CDK5RAP2: variants seen among roughly 807,000 people sequenced by gnomAD.
CDK5RAP2 encodes CDK5 regulatory subunit-associated protein 2.
CDK5RAP2 carries 147 observed loss-of-function variants against 232.9 expected under a neutral mutation model. The ratio of observed to expected loss-of-function variants is 0.63; its 90% CI spans 0.55 to 0.72. The LOEUF is 0.72. Ranked by LOEUF, CDK5RAP2 falls within the 30% of genes least tolerant of loss-of-function variation. The probability of loss-of-function intolerance (pLI) is 0.00; values close to 1 mark genes in which losing one functional copy is unlikely to be tolerated. For missense variants in CDK5RAP2, 2,195 were observed against 2,231.5 expected (o/e 0.98, Z 0.33); for synonymous variants, 833 against 833.7 (o/e 1.00, Z 0.01).
chr9:120,427,756 G>T (rs979314714), intron 25 of CDK5RAP2, among the ~76,000 whole-genome samples: 1 of 152,130 alleles, frequency 6.6e-6, no homozygotes, highest in African/African-American at 2.4e-5. Flanking sequence ...TGGAAGAGGG[G>T]AAATGCAAGG....
intron 3 of CDK5RAP2, among the ~76,000 whole-genome samples, chr9:120,565,392 TCTC>T (rs1226529350): frequency 1.3e-5 from 2 of 152,024 alleles, no homozygotes; most frequent in African/African-American, 2.4e-5. Flanking sequence ...TCCAAACTCT[TCTC>T]CTCATAGTCA....
intron 14 of CDK5RAP2, among the ~76,000 whole-genome samples, chr9:120,482,811 T>C (rs1175796177): frequency 6.6e-6 from 1 of 152,214 alleles, no homozygotes; most frequent in Non-Finnish European, 1.5e-5. Flanking sequence ...TTTTGCATAA[T>C]GGAAGTCAGA....
Position 120,568,284 on chromosome 9 carries a change from A to C in CDK5RAP2, c.195+37T>G, listed in dbSNP as rs143496224. 541 of 1,521,028 alleles carry C rather than the reference A, an allele frequency of 3.6e-4. 2 individuals carry two copies. The African/African-American group carries it at 6.8e-3, about 19-fold the overall frequency. The allele number at this position is 1,521,028 out of a possible 1,614,324, so 94.2% of individuals were successfully genotyped here. On this transcript the variant is annotated intron_variant, in intron 3 of 37. Coordinates refer to ENST00000349780, the MANE Select transcript of CDK5RAP2 (RefSeq NM_018249.6). ...CTGGCTGGACAGTGGCAGCAGACACAATTTGTTGGGGGCAGTAATTTGGTA... is the reference window on the plus strand; with the variant it reads ...CTGGCTGGACAGTGGCAGCAGACACCATTTGTTGGGGGCAGTAATTTGGTA...
In CDK5RAP2 at chr9:120,577,668, G is replaced by A. The variant is rs144621853; in HGVS notation, c.59+2252C>T. ...GTAGTTACTCTGGGTCAGACACTGA[G>A]CTAAACTTTTTAAGATTCATTTTAA... On this transcript the variant is annotated intron_variant, in intron 1 of 37. Coordinates refer to ENST00000349780, the MANE Select transcript of CDK5RAP2 (RefSeq NM_018249.6). 3.7e-4 allele frequency among the ~76,000 whole-genome samples: 56 copies of A among 152,306 alleles called. No individual in the cohort carries two copies. In the East Asian group the frequency reaches 0.011, roughly 29 times the overall value.
In CDK5RAP2 at chr9:120,536,415, C is replaced by A; in HGVS notation, c.619G>T (p.Glu207Ter). The part of the protein sequence containing the change: ...SKLSEMKKMH[E>*]GDLAMALVLD... Reference sequence around the variant, plus strand: ...ACCAGAGCCATCGCCAAGTCCCCCTCGTGCATCTTCTTCATCTCTGAAAGC... The same window carrying A: ...ACCAGAGCCATCGCCAAGTCCCCCTAGTGCATCTTCTTCATCTCTGAAAGC... Residue 207 changes from glutamate to a stop codon, truncating the protein, a stop_gained, in exon 7 of 38, where the codon GAG (glutamate) becomes TAG (stop). Transcript: ENST00000349780. LOFTEE classifies it high-confidence loss of function. 1.2e-6 allele frequency: 2 copies of A among 1,614,200 alleles called. No homozygotes were observed. Among genetic ancestry groups the A allele is most frequent in the Non-Finnish European group, 1.7e-6 (2 of 1,180,018 alleles).
chr9:120,548,159 T>C (rs1050299688), intron 4 of CDK5RAP2, among the ~76,000 whole-genome samples: 7 of 152,216 alleles, frequency 4.6e-5, no homozygotes, highest in Non-Finnish European at 7.3e-5. Flanking sequence ...GAACTTTTTC[T>C]TGAAGAAAGT....
In CDK5RAP2 at chr9:120,458,561, T is replaced by G. The variant is rs761922810; in HGVS notation, c.2264A>C (p.Lys755Thr). The stretch of plus-strand genomic sequence containing the variant: ...GTGGGCCCCATCACAATCTGAAATC[T>G]TAGACTCCGTGTGCCTTAAGTATCC... Reference protein sequence around the residue: ...KNGYLRHTESKISDCDGAHAP... With the variant: ...KNGYLRHTESTISDCDGAHAP... The change falls in exon 20 of 38, where the codon AAG (lysine) becomes ACG (threonine). Residue 755 changes from lysine (K) to threonine (T), a missense_variant. Transcript: ENST00000349780. 2 of 1,614,154 alleles carry G rather than the reference T, an allele frequency of 1.2e-6. No individual in the cohort carries two copies. Among genetic ancestry groups the G allele is most frequent in the Non-Finnish European group, 1.7e-6 (2 of 1,179,996 alleles).
chr9:120,578,102 T>C (rs994051544), intron 1 of CDK5RAP2, among the ~76,000 whole-genome samples: 1 of 152,072 alleles, frequency 6.6e-6, no homozygotes, highest in African/African-American at 2.4e-5. Context: ...ATCCCGTCTC[T>C]ACTAAAATAC....
intron 3 of CDK5RAP2, among the ~76,000 whole-genome samples, chr9:120,564,088 A>G (rs1303918251): frequency 6.6e-6 from 1 of 152,218 alleles, no homozygotes; most frequent in Non-Finnish European, 1.5e-5. Context: ...ATCCTATTCC[A>G]TAGTATCTAC....
At chr9:120,435,988 C>A (rs1011823399) in intron 25 of CDK5RAP2, among the ~76,000 whole-genome samples, 3 of 152,162 alleles carry the variant, frequency 2.0e-5, no homozygotes, top group Non-Finnish European at 4.4e-5. Flanking sequence ...TGGTAAAACT[C>A]ATGGTAGAAG....
intron 18 of CDK5RAP2, among the ~76,000 whole-genome samples, chr9:120,460,976 T>C (rs781368719): frequency 2.0e-5 from 3 of 152,212 alleles, no homozygotes; most frequent in Non-Finnish European, 4.4e-5. Context: ...AAAAATGCCG[T>C]CTATTATGCC....
chr9:120,486,563 C>T (rs1200764771), intron 14 of CDK5RAP2, among the ~76,000 whole-genome samples: 2 of 152,128 alleles, frequency 1.3e-5, no homozygotes, highest in Non-Finnish European at 2.9e-5. Flanking sequence ...GTGCCAGTTC[C>T]CTACCCCAGA....
At position 120,525,089 on chromosome 9, in the gene CDK5RAP2, A is replaced by G. The variant is rs767052111; in HGVS notation, c.1000-11T>C. ...GTTAAGTTCTTCAACCTGGGGAAAA[A>G]TAATGAATACCAGCCAAGTATGTAA... On this transcript the variant is annotated splice_polypyrimidine_tract_variant and intron_variant, in intron 10 of 37. Transcript: ENST00000349780. 4 of 1,606,204 alleles carry G rather than the reference A, an allele frequency of 2.5e-6. No homozygotes were observed. In the Admixed American group the frequency reaches 5.0e-5, roughly 20 times the overall value.
intron 25 of CDK5RAP2, among the ~76,000 whole-genome samples, chr9:120,423,758 C>T (rs1478310653): frequency 6.6e-6 from 1 of 152,196 alleles, no homozygotes; most frequent in African/African-American, 2.4e-5. Flanking sequence ...TTAAACTGCA[C>T]CCACACATGC....
intron 3 of CDK5RAP2, among the ~76,000 whole-genome samples, chr9:120,555,965 C>T (rs557716615): frequency 1.1e-4 from 16 of 152,174 alleles, no homozygotes; most frequent in East Asian, 1.9e-4. Flanking sequence ...TCCATTTATA[C>T]GACATTCTGG....
chr9:120,457,132 A>T (rs1241719994), intron 20 of CDK5RAP2, among the ~76,000 whole-genome samples: 3 of 152,188 alleles, frequency 2.0e-5, no homozygotes, highest in African/African-American at 7.2e-5. Flanking sequence ...GGGATTTTTT[A>T]AAAACCCATT....
In CDK5RAP2 at chr9:120,389,109, G is replaced by A. The variant is rs1018268500; in HGVS notation, c.*127C>T. 1.3e-5 allele frequency: 11 copies of A among 844,286 alleles called. No homozygotes were observed. The African/African-American group carries it at 1.9e-4, about 14-fold the overall frequency. The allele number at this position is 844,286 out of a possible 1,614,324, so 52.3% of individuals were successfully genotyped here. On this transcript the variant is annotated 3_prime_UTR_variant, in exon 38 of 38. Coordinates refer to ENST00000349780, the MANE Select transcript of CDK5RAP2 (RefSeq NM_018249.6). Reference sequence around the variant, plus strand: ...CCAACTTTCAGAGAGAAAACATGAAGGGAAAAAATAGATTTCCTTTGGCCA... The same window carrying A: ...CCAACTTTCAGAGAGAAAACATGAAAGGAAAAAATAGATTTCCTTTGGCCA...
intron 3 of CDK5RAP2, among the ~76,000 whole-genome samples, chr9:120,553,569 T>C (rs1057198230): frequency 6.6e-6 from 1 of 152,104 alleles, no homozygotes; most frequent in Non-Finnish European, 1.5e-5. Context: ...AGGATGATGG[T>C]TACCTTTGGG....
Position 120,571,998 on chromosome 9 carries a change from G to C in CDK5RAP2, c.103C>G (p.Pro35Ala), listed in dbSNP as rs753001495. 109 of 1,613,816 alleles carry C rather than the reference G, an allele frequency of 6.8e-5. 1 individual carries two copies. The Admixed American group carries it at 1.7e-3, about 25-fold the overall frequency. ...SVPDDLDGIN[P>A]NAGLGNGLLP... ...CGACCATTTCCCAACCCAGCATTGGGGTTGATGCCATCCAGGTCATCTGGT... is the reference window on the plus strand; with the variant it reads ...CGACCATTTCCCAACCCAGCATTGGCGTTGATGCCATCCAGGTCATCTGGT... Residue 35 changes from proline (P) to alanine (A), a missense_variant, in exon 2 of 38, where the codon CCC (proline) becomes GCC (alanine). By Grantham distance (27) the Pro-to-Ala change is conservative. Transcript: ENST00000349780.
Sources: gnomAD v4.1 joint callset for allele counts (sites outside exome capture counted in the v4.1 genomes callset) on GRCh38, gnomAD v4.1.1 for gene constraint, MANE v1.5 for transcripts, NCBI Gene and HGNC (gene_info 2026-07-23, HGNC 2026-07-21) for gene names.